CSMD1: variants seen among roughly 807,000 people sequenced by gnomAD.
CSMD1 encodes CUB and sushi domain-containing protein 1.
CSMD1 carries 213 observed loss-of-function variants against 417.5 expected under a neutral mutation model. The observed-to-expected ratio is 0.51, with a 90% CI of 0.46 to 0.57. CSMD1 has a LOEUF of 0.57. Ranked by LOEUF, CSMD1 falls within the 20% of genes least tolerant of loss-of-function variation. The pLI is 0.00. For missense variants in CSMD1, 6,923 were observed against 4,529.7 expected (o/e 1.53, Z -15.17); for synonymous variants, 2,862 against 1,736.8 (o/e 1.65, Z -16.11).
Position 2,938,504 on chromosome 8 carries a change from G to C in CSMD1, c.*81C>G, listed in dbSNP as rs919728812. The C allele has an allele frequency of 3.0e-6, 4 of 1,345,110 alleles. No homozygotes were observed. Among genetic ancestry groups the C allele is most frequent in the Admixed American group, 4.4e-5 (2 of 45,232 alleles). The allele number at this position is 1,345,110 out of a possible 1,614,324, so 83.3% of individuals were successfully genotyped here. ...TGCAGTAAAGCCAGAGTGGAAGGGA[G>C]AGTGGTATATGGCACCAAAGGAATC... is the stretch of plus-strand genomic sequence containing the variant. On this transcript the variant is annotated 3_prime_UTR_variant, in exon 70 of 70. Coordinates refer to ENST00000635120, the MANE Select transcript of CSMD1 (RefSeq NM_033225.6).
At chr8:3,255,569 G>A (rs1210337971) in intron 26 of CSMD1, among the ~76,000 whole-genome samples, 1 of 152,198 alleles carries the variant, frequency 6.6e-6, no homozygotes, top group Non-Finnish European at 1.5e-5. Context: ...GTGCAATGGT[G>A]GACGCCCCTC....
At chr8:3,740,154 G>A (rs2954231) in intron 6 of CSMD1, among the ~76,000 whole-genome samples, 141,914 of 152,198 alleles carry the variant, frequency 0.93, 66,995 homozygotes, top group Non-Finnish European at 1. Context: ...CCTCCAGGCT[G>A]GAGTGCAATA....
At chr8:3,031,595 T>A (rs1810344554) in intron 50 of CSMD1, among the ~76,000 whole-genome samples, 1 of 152,080 alleles carries the variant, frequency 6.6e-6, no homozygotes. Context: ...AGACTAGGTC[T>A]AGTTATATGG....
At position 4,742,091 on chromosome 8, in the gene CSMD1, C is replaced by T. The variant is rs374646076; in HGVS notation, c.86-104533G>A. 6.2e-5 allele frequency among the ~76,000 whole-genome samples: 8 copies of T among 128,598 alleles called. No homozygotes were observed. The East Asian group carries it at 1.0e-3, about 16-fold the overall frequency. The allele number at this position is 128,598 out of a possible 152,430, so 84.4% of individuals were successfully genotyped here. A position where few individuals can be genotyped will look rare whatever the true frequency, so the allele number is the denominator to read the frequency against. Reference sequence around the variant, plus strand: ...TGTCGCCCAGGCTGGAGTGCAGTGGCGCAATCTCGGCTCACTGCAAGCTCC... The same window carrying T: ...TGTCGCCCAGGCTGGAGTGCAGTGGTGCAATCTCGGCTCACTGCAAGCTCC... On this transcript the variant is annotated intron_variant, in intron 1 of 69. Transcript: ENST00000635120.
intron 1 of CSMD1, among the ~76,000 whole-genome samples, chr8:4,817,023 G>A (rs971668374): frequency 6.6e-6 from 1 of 152,166 alleles, no homozygotes; most frequent in East Asian, 1.9e-4. Context: ...GAGGCTCCTG[G>A]CAGGGAAATG....
intron 1 of CSMD1, among the ~76,000 whole-genome samples, chr8:4,690,456 T>C (rs1478731386): frequency 6.6e-6 from 1 of 152,174 alleles, no homozygotes; most frequent in Non-Finnish European, 1.5e-5. Context: ...TTTAAGGAAA[T>C]ATCAAAATTT....
intron 3 of CSMD1, among the ~76,000 whole-genome samples, chr8:4,276,300 A>G (rs371611752): frequency 3.7e-4 from 56 of 152,344 alleles, no homozygotes; most frequent in South Asian, 1.5e-3. Context: ...AGCCATAAAA[A>G]AGGATCAGTT....
At chr8:3,270,596 A>G (rs1563208341) in intron 26 of CSMD1, among the ~76,000 whole-genome samples, 1 of 152,222 alleles carries the variant, frequency 6.6e-6, no homozygotes, top group Non-Finnish European at 1.5e-5. Flanking sequence ...AGGTCGACAC[A>G]GATGCAGCCC....
intron 5 of CSMD1, among the ~76,000 whole-genome samples, chr8:3,978,257 C>G (rs904862967): frequency 6.6e-6 from 1 of 152,148 alleles, no homozygotes; most frequent in African/African-American, 2.4e-5. Flanking sequence ...GCAGAGGTGA[C>G]CTGACATGGG....
At chr8:3,560,690 T>A (rs779036666) in intron 10 of CSMD1, among the ~76,000 whole-genome samples, 6 of 152,206 alleles carry the variant, frequency 3.9e-5, no homozygotes, top group African/African-American at 7.2e-5. Flanking sequence ...AACCATGAAT[T>A]TCTCTCAGGG....
chr8:3,386,822 G>A (rs1267570784), intron 18 of CSMD1, among the ~76,000 whole-genome samples: 2 of 151,998 alleles, frequency 1.3e-5, no homozygotes, highest in Non-Finnish European at 2.9e-5. Flanking sequence ...ATGGTCAAGG[G>A]CAAAATACCC....
chr8:4,589,798 A>G (rs898695727), intron 2 of CSMD1, among the ~76,000 whole-genome samples: 15 of 152,352 alleles, frequency 9.8e-5, no homozygotes, highest in African/African-American at 3.1e-4. Flanking sequence ...TATCTTTGCC[A>G]TGTCAAAGAG....
chr8:4,170,039 T>C (rs1797682586), intron 3 of CSMD1, among the ~76,000 whole-genome samples: 2 of 151,854 alleles, frequency 1.3e-5, no homozygotes, highest in African/African-American at 4.9e-5. Context: ...TAAATAATTA[T>C]TTGAATACTC....
chr8:3,891,072 A>G (rs1806940285), intron 5 of CSMD1, among the ~76,000 whole-genome samples: 1 of 151,930 alleles, frequency 6.6e-6, no homozygotes, highest in African/African-American at 2.4e-5. Flanking sequence ...ATTTTGAGAC[A>G]GGATCTCACT....
chr8:3,141,506 C>T (rs1011130212), intron 41 of CSMD1, among the ~76,000 whole-genome samples: 1 of 152,110 alleles, frequency 6.6e-6, no homozygotes, highest in Non-Finnish European at 1.5e-5. Flanking sequence ...TAAGATTAGA[C>T]ATTATGGTTT....
chr8:3,431,551 T>C (rs539315831), intron 12 of CSMD1, among the ~76,000 whole-genome samples: 1 of 152,308 alleles, frequency 6.6e-6, no homozygotes, highest in South Asian at 2.1e-4. Flanking sequence ...CTTCCATCCC[T>C]TGTATGAGAG....
At chr8:4,047,654 T>G (rs150768435) in intron 3 of CSMD1, among the ~76,000 whole-genome samples, 2 of 152,140 alleles carry the variant, frequency 1.3e-5, no homozygotes, top group Admixed American at 6.5e-5. Context: ...GTGAGTATAT[T>G]TGGGGCATGC....
intron 54 of CSMD1, among the ~76,000 whole-genome samples, chr8:2,994,500 G>A (rs562011573): frequency 1.1e-4 from 17 of 152,280 alleles, no homozygotes; most frequent in African/African-American, 4.1e-4. Flanking sequence ...TTCCCCACAC[G>A]CCATCGTGCC....
intron 5 of CSMD1, among the ~76,000 whole-genome samples, chr8:3,927,732 AAAG>A (rs1809845198): frequency 1.3e-5 from 2 of 152,228 alleles, no homozygotes; most frequent in African/African-American, 4.8e-5. Context: ...AGCAGAAAAA[AAAG>A]AAGATGCTAA....
Sources: gnomAD v4.1 joint callset for allele counts (sites outside exome capture counted in the v4.1 genomes callset) on GRCh38, gnomAD v4.1.1 for gene constraint, MANE v1.5 for transcripts, NCBI Gene and HGNC (gene_info 2026-07-23, HGNC 2026-07-21) for gene names.